Variants in ALG1L2 observed in about 807,000 individuals in gnomAD.
ALG1L2 encodes ALG1 chitobiosyldiphosphodolichol beta-mannosyltransferase like 2.
A neutral mutation model predicts 29.0 loss-of-function variants in ALG1L2; 32 were observed. The observed-to-expected ratio is 1.10, with a 90% CI of 0.83 to 1.48. The LOEUF is 1.48. Ranked by LOEUF, ALG1L2 falls within the 40% of genes most tolerant of loss-of-function variation. The pLI, the probability that ALG1L2 is intolerant of heterozygous loss-of-function variation, is 0.00. For synonymous variants in ALG1L2, 110 were observed against 109.5 expected (o/e 1.00, Z -0.03); for missense variants, 318 against 274.1 (o/e 1.16, Z -1.13).
intron 7 of ALG1L2, among the ~76,000 whole-genome samples, chr3:130,097,667 G>C (rs1433050544): frequency 6.2e-3 from 862 of 138,440 alleles, no homozygotes; most frequent in African/African-American, 0.025. Context: ...CAGAATGATT[G>C]GGAGGATTTT....
At chr3:130,084,292 C>T (rs1934845821) in intron 1 of ALG1L2, among the ~76,000 whole-genome samples, 1 of 133,026 alleles carries the variant, frequency 7.5e-6, no homozygotes, top group African/African-American at 2.5e-5. Flanking sequence ...ACCCCATTTC[C>T]CCCCCTCAAA....
rs145821517 is a variant in ALG1L2 at position 130,098,257 on chromosome 3, C to G, written c.*2C>G. 2 of 1,596,426 alleles carry G rather than the reference C, an allele frequency of 1.3e-6. No homozygotes were observed. The highest frequency in any genetic ancestry group is 1.7e-6 in the Non-Finnish European group (2 of 1,179,782). ...GATGCTTTTCTCAAACTTTCCTGAT[C>G]CTGAAGGCAAGCTAAACCAGTTCCG... is the stretch of plus-strand genomic sequence containing the variant. On this transcript the variant is annotated 3_prime_UTR_variant, in exon 8 of 8. Transcript: ENST00000425059.
intron 7 of ALG1L2, among the ~76,000 whole-genome samples, chr3:130,097,802 C>G: frequency 6.6e-6 from 1 of 152,170 alleles, no homozygotes. Flanking sequence ...TGGCTTTGTT[C>G]CAATAAAGCT....
At chr3:130,096,343 G>T (rs1935133736) in intron 6 of ALG1L2, among the ~76,000 whole-genome samples, 180 bp downstream of exon 6, 2 of 152,042 alleles carry the variant, frequency 1.3e-5, no homozygotes, top group Admixed American at 1.3e-4. Flanking sequence ...CACTGAAGTA[G>T]TTGCTTCCAT....
intron 7 of ALG1L2, among the ~76,000 whole-genome samples, chr3:130,097,525 A>T (rs12632200): frequency 0.35 from 53,521 of 152,150 alleles, 9,841 homozygotes; most frequent in Middle Eastern, 0.51. Flanking sequence ...GCCAGGCTGC[A>T]GTTTAGGAAG....
Position 130,085,100 on chromosome 3 carries a change from A to C in ALG1L2, c.20+3064A>C, listed in dbSNP as rs1240885575. On this transcript the variant is annotated intron_variant, in intron 1 of 7. Coordinates refer to ENST00000425059, the MANE Select transcript of ALG1L2 (RefSeq NM_001136152.1). The stretch of plus-strand genomic sequence containing the variant: ...CAGCCTCCCGAGTAGCTGGGATTAC[A>C]GGTGCCCACCACTGTGCCCAACTAA... Among the ~76,000 whole-genome samples, 10 of 128,040 alleles carry C rather than the reference A, an allele frequency of 7.8e-5. 3 individuals carry two copies. The highest frequency in any genetic ancestry group is 1.4e-4 in the Non-Finnish European group (8 of 55,646). The allele number at this position is 128,040 out of a possible 152,430, so 84.0% of individuals were successfully genotyped here.
At chr3:130,096,476 C>T (rs1297605426) in intron 6 of ALG1L2, among the ~76,000 whole-genome samples, 3 of 151,848 alleles carry the variant, frequency 2.0e-5, no homozygotes, top group South Asian at 2.1e-4. Flanking sequence ...AACAGAACTT[C>T]ACTCGGGGCT....
chr3:130,093,516 T>C (rs1326702163), intron 4 of ALG1L2, among the ~76,000 whole-genome samples: 1 of 150,052 alleles, frequency 6.7e-6, no homozygotes, highest in Non-Finnish European at 1.5e-5. Flanking sequence ...AACCTCTGCC[T>C]CTCACATTCA....
chr3:130,088,204 C>A (rs1052934138), intron 1 of ALG1L2, among the ~76,000 whole-genome samples: 2 of 152,282 alleles, frequency 1.3e-5, no homozygotes, highest in Non-Finnish European at 2.9e-5. Flanking sequence ...ATGAGGTTAA[C>A]CAGGAAGTGC....
intron 1 of ALG1L2, among the ~76,000 whole-genome samples, chr3:130,086,984 A>G (rs2588003): frequency 0.98 from 148,806 of 151,206 alleles, 73,204 homozygotes; most frequent in East Asian, 1. Context: ...AGGTTCCAGA[A>G]CCTTCCTTTC....
Position 130,098,236 on chromosome 3 carries a change from C to A in ALG1L2, c.629C>A (p.Ala210Asp), listed in dbSNP as rs1935189536. 2 of 1,596,448 alleles carry A rather than the reference C, an allele frequency of 1.3e-6. No homozygotes were observed. Among genetic ancestry groups the A allele is most frequent in the Non-Finnish European group, 1.7e-6 (2 of 1,179,772 alleles). Residue 210 changes from alanine to aspartate, a missense_variant, in exon 8 of 8, where the codon GCT (alanine) becomes GAT (aspartate). Coordinates refer to ENST00000425059, the MANE Select transcript of ALG1L2 (RefSeq NM_001136152.1). ...TCTGCTCTTCAGTATTTTGCAGATGCTTTTCTCAAACTTTCCTGATCCTGA... is the reference window on the plus strand; with the variant it reads ...TCTGCTCTTCAGTATTTTGCAGATGATTTTCTCAAACTTTCCTGATCCTGA... ...LAAQLQYFAD[A>D]FLKLS is the part of the protein sequence containing the mutation.
chr3:130,095,032 G>T (rs1270563572), intron 5 of ALG1L2, among the ~76,000 whole-genome samples: 2 of 152,196 alleles, frequency 1.3e-5, no homozygotes, highest in African/African-American at 4.8e-5. Context: ...TTCCTGGCAG[G>T]ATTCTCCAGC....
intron 5 of ALG1L2, among the ~76,000 whole-genome samples, chr3:130,095,844 C>T (rs984103800): frequency 1.3e-5 from 2 of 152,162 alleles, no homozygotes; most frequent in African/African-American, 2.4e-5. Flanking sequence ...ATTGTGGTTA[C>T]GTAGAAAAAG....
intron 5 of ALG1L2, among the ~76,000 whole-genome samples, 169 bp from the exon 6 acceptor site, chr3:130,095,880 C>T (rs1205953953): frequency 8.5e-5 from 13 of 152,232 alleles, no homozygotes; most frequent in Non-Finnish European, 1.3e-4. Flanking sequence ...TCAGATGTCC[C>T]AGCCAGGCCG....
chr3:130,094,030 G>C, intron 4 of ALG1L2: 1 of 282,636 alleles, frequency 3.5e-6, no homozygotes, highest in Non-Finnish European at 6.9e-6. Context: ...CTTGGAACCT[G>C]CGCCCTGTGG....
intron 1 of ALG1L2, among the ~76,000 whole-genome samples, chr3:130,086,238 C>T (rs752262466): frequency 6.6e-6 from 1 of 151,154 alleles, no homozygotes; most frequent in Non-Finnish European, 1.5e-5. Context: ...CGCTAGCGCA[C>T]TTTGAAGTAG....
At position 130,097,173 on chromosome 3, in the gene ALG1L2, A is replaced by T. The variant is rs375588968; in HGVS notation, c.540-2A>T. 3.8e-4 allele frequency: 606 copies of T among 1,611,872 alleles called. 9 individuals carry two copies. In the South Asian group the frequency reaches 4.9e-3, roughly 13 times the overall value. ...CTCGGGCTCCTTTTGTTCTCTCTGC[A>T]GTTTACATGAGCTGGTGAAACATGA... On this transcript the variant is annotated splice_acceptor_variant, in intron 6 of 7. Transcript: ENST00000425059. LOFTEE classifies it high-confidence loss of function.
In ALG1L2 at chr3:130,098,236, C is replaced by T. The variant is rs1935189536; in HGVS notation, c.629C>T (p.Ala210Val). The T allele has an allele frequency of 3.8e-6, 6 of 1,596,448 alleles. No individual in the cohort carries two copies. In the South Asian group the frequency reaches 5.5e-5, roughly 15 times the overall value. Residue 210 changes from alanine to valine, a missense_variant, in exon 8 of 8, where the codon GCT becomes GTT. Ala to Val is a moderately conservative substitution (Grantham distance 64). Coordinates refer to ENST00000425059, the MANE Select transcript of ALG1L2 (RefSeq NM_001136152.1). ...TCTGCTCTTCAGTATTTTGCAGATGCTTTTCTCAAACTTTCCTGATCCTGA... is the reference window on the plus strand; with the variant it reads ...TCTGCTCTTCAGTATTTTGCAGATGTTTTTCTCAAACTTTCCTGATCCTGA... ...LAAQLQYFAD[A>V]FLKLS
At chr3:130,091,865 G>A (rs1156361494) in intron 2 of ALG1L2, 6 of 757,138 alleles carry the variant, frequency 7.9e-6, no homozygotes, top group Admixed American at 6.6e-5. Flanking sequence ...AAGACAGTAA[G>A]TCCTGTGGAG....
Sources: allele counts gnomAD v4.1 joint callset (sites outside exome capture counted in the v4.1 genomes callset), GRCh38; gene constraint gnomAD v4.1.1; transcripts MANE v1.5; gene names NCBI Gene and HGNC (gene_info 2026-07-23, HGNC 2026-07-21).